RIMS1: variants seen among roughly 807,000 people sequenced by gnomAD.
RIMS1 encodes regulating synaptic membrane exocytosis 1.
In RIMS1, 83 loss-of-function variants were observed where a neutral mutation model predicts 214.1. The ratio of observed to expected loss-of-function variants is 0.39; its 90% CI spans 0.32 to 0.47. RIMS1 has a LOEUF of 0.47. Among genes scored for constraint, RIMS1 ranks in the 20% least tolerant of loss-of-function variants. The pLI is 0.99. For missense variants in RIMS1, 2,050 were observed against 2,161.8 expected (o/e 0.95, Z 1.03); for synonymous variants, 793 against 786.8 (o/e 1.01, Z -0.13).
chr6:72,368,324 CAG>C (rs1432725719), intron 29 of RIMS1, among the ~76,000 whole-genome samples: 8 of 101,088 alleles, frequency 7.9e-5, no homozygotes, highest in African/African-American at 2.8e-4. Context: ...TTTTTTGAGA[CAG>C]AGTCTCGCTC....
intron 22 of RIMS1, among the ~76,000 whole-genome samples, chr6:72,270,456 G>C (rs1221721329): frequency 6.6e-6 from 1 of 151,924 alleles, no homozygotes; most frequent in African/African-American, 2.4e-5. Context: ...TTTTTTACTT[G>C]GTAAATCGTT....
At chr6:72,301,401 C>A (rs564311819) in intron 26 of RIMS1, among the ~76,000 whole-genome samples, 2 of 151,656 alleles carry the variant, frequency 1.3e-5, no homozygotes, top group South Asian at 2.1e-4. Context: ...TGCATGACTC[C>A]AAAAATAAGG....
Position 72,335,820 on chromosome 6 carries a change from C to T in RIMS1, c.4366+1985C>T, listed in dbSNP as rs527411741. The stretch of plus-strand genomic sequence containing the variant: ...GTTTTGATTTGCATTTCTCTAATGA[C>T]CAGTGATGATGAGCTTTTTTTTCAT... On this transcript the variant is annotated intron_variant, in intron 29 of 33. Coordinates refer to ENST00000521978, the MANE Select transcript of RIMS1 (RefSeq NM_014989.7). Among the ~76,000 whole-genome samples the T allele has an allele frequency of 2.7e-3, 414 of 151,904 alleles. 1 individual carries two copies. Among genetic ancestry groups the T allele is most frequent in the Non-Finnish European group, 4.7e-3 (317 of 67,876 alleles).
chr6:71,938,006 G>A (rs1015899592), intron 1 of RIMS1, among the ~76,000 whole-genome samples: 87 of 152,248 alleles, frequency 5.7e-4, no homozygotes, highest in African/African-American at 2.0e-3. Flanking sequence ...TCCTCTAGCT[G>A]TGAAATCAGA....
intron 6 of RIMS1, among the ~76,000 whole-genome samples, chr6:72,188,736 G>A (rs2049550470): frequency 1.3e-5 from 2 of 152,014 alleles, no homozygotes; most frequent in Non-Finnish European, 2.9e-5. Flanking sequence ...TTGTAATCCT[G>A]CCTGGATTGG....
chr6:72,121,547 TA>T (rs1413662932), intron 4 of RIMS1, among the ~76,000 whole-genome samples: 3 of 151,934 alleles, frequency 2.0e-5, no homozygotes, highest in African/African-American at 7.2e-5. Flanking sequence ...TTAAGGAGAT[TA>T]GGGGCTGTGA....
intron 2 of RIMS1, among the ~76,000 whole-genome samples, chr6:72,081,453 T>G (rs977338706): frequency 5.3e-5 from 8 of 152,222 alleles, no homozygotes; most frequent in African/African-American, 1.9e-4. Flanking sequence ...TTCATATTAT[T>G]CAAAGTTTCG....
At chr6:72,098,890 G>T (rs1332301741) in intron 3 of RIMS1, among the ~76,000 whole-genome samples, 1 of 152,122 alleles carries the variant, frequency 6.6e-6, no homozygotes, top group East Asian at 1.9e-4. Context: ...AATAAACTTG[G>T]ATATTAAGGT....
chr6:72,267,396 A>C (rs2081085522), intron 22 of RIMS1, among the ~76,000 whole-genome samples: 6 of 152,168 alleles, frequency 3.9e-5, no homozygotes, highest in Admixed American at 3.9e-4. Flanking sequence ...AATATTACCC[A>C]TATCAGTGCC....
intron 2 of RIMS1, among the ~76,000 whole-genome samples, chr6:72,002,324 A>G (rs1348476641): frequency 6.6e-6 from 1 of 152,192 alleles, no homozygotes; most frequent in East Asian, 1.9e-4. Context: ...AAAAATTACA[A>G]AGTTCTAAAA....
chr6:71,946,335 A>G (rs948684864), intron 1 of RIMS1, among the ~76,000 whole-genome samples: 1 of 152,214 alleles, frequency 6.6e-6, no homozygotes, highest in Non-Finnish European at 1.5e-5. Flanking sequence ...GCAATCTTGA[A>G]CAAGAAGAAC....
chr6:72,032,097 A>G (rs1355415932), intron 2 of RIMS1, among the ~76,000 whole-genome samples: 1 of 152,040 alleles, frequency 6.6e-6, no homozygotes, highest in Admixed American at 6.6e-5. Flanking sequence ...TCTAAAGAAC[A>G]TAAGCAAAGT....
chr6:72,337,304 C>CTA (rs2096874647), intron 29 of RIMS1, among the ~76,000 whole-genome samples: 2 of 151,732 alleles, frequency 1.3e-5, no homozygotes, highest in African/African-American at 4.8e-5. Context: ...ATATAATATC[C>CTA]TATATCTTCT....
At chr6:72,054,647 T>C (rs1268419634) in intron 2 of RIMS1, among the ~76,000 whole-genome samples, 1 of 152,216 alleles carries the variant, frequency 6.6e-6, no homozygotes, top group Non-Finnish European at 1.5e-5. Context: ...CATCTCATTG[T>C]AGTTTTGATT....
intron 2 of RIMS1, among the ~76,000 whole-genome samples, chr6:72,063,749 C>T (rs1353388199): frequency 6.6e-6 from 1 of 152,174 alleles, no homozygotes; most frequent in Non-Finnish European, 1.5e-5. Flanking sequence ...TTTCTTAAAT[C>T]TCATCTCTGT....
chr6:72,265,189 A>G (rs1404920169), intron 20 of RIMS1, 137 bp downstream of exon 20: 3 of 636,654 alleles, frequency 4.7e-6, no homozygotes, highest in Admixed American at 6.4e-5. Context: ...TTTTGAAATA[A>G]TTATACAGTG....
intron 4 of RIMS1, among the ~76,000 whole-genome samples, chr6:72,131,465 G>C (rs761171025): frequency 6.6e-6 from 1 of 152,086 alleles, no homozygotes; most frequent in African/African-American, 2.4e-5. Flanking sequence ...ATCACATGTC[G>C]GTATGTTCCG....
chr6:72,076,222 T>G (rs1831821713), intron 2 of RIMS1, among the ~76,000 whole-genome samples: 1 of 152,202 alleles, frequency 6.6e-6, no homozygotes, highest in Non-Finnish European at 1.5e-5. Context: ...AAAAACAATA[T>G]TATTATCCCC....
intron 2 of RIMS1, among the ~76,000 whole-genome samples, chr6:72,013,865 C>A (rs1260549012): frequency 6.6e-6 from 1 of 152,158 alleles, no homozygotes; most frequent in Non-Finnish European, 1.5e-5. Context: ...AAAACCCATA[C>A]TTATTAGCAA....
Sources: gnomAD v4.1 joint callset for allele counts (sites outside exome capture counted in the v4.1 genomes callset) on GRCh38, gnomAD v4.1.1 for gene constraint, MANE v1.5 for transcripts, NCBI Gene and HGNC (gene_info 2026-07-23, HGNC 2026-07-21) for gene names.